The following ZMYND8 variants were observed in gnomAD, a reference collection of about 807,000 sequenced individuals.
ZMYND8 encodes the protein zinc finger MYND-type containing 8.
A neutral mutation model predicts 140.8 loss-of-function variants in ZMYND8; 37 were observed. The ratio of observed to expected loss-of-function variants is 0.26; its 90% CI spans 0.20 to 0.35. ZMYND8 has a LOEUF of 0.35. ZMYND8 is among the 10% of genes least tolerant of loss of function. ZMYND8 has a pLI of 1.00. For missense variants in ZMYND8, 1,068 were observed against 1,570.0 expected (o/e 0.68, Z 5.40); for synonymous variants, 592 against 597.1 (o/e 0.99, Z 0.12).
At chr20:47,234,102 G>A (rs2038903823) in intron 16 of ZMYND8, among the ~76,000 whole-genome samples, 1 of 152,216 alleles carries the variant, frequency 6.6e-6, no homozygotes, top group Admixed American at 6.5e-5. Context: ...AGGCTGGAGT[G>A]CAGTGGCAAG....
intron 21 of ZMYND8, among the ~76,000 whole-genome samples, chr20:47,215,098 C>T (rs1477594850): frequency 6.6e-6 from 1 of 152,128 alleles, no homozygotes; most frequent in African/African-American, 2.4e-5. Flanking sequence ...GTCGGCCAGG[C>T]ATGGTGGCTC....
intron 12 of ZMYND8, 21 bp downstream of exon 12, chr20:47,262,267 C>T (rs766001290): frequency 6.2e-7 from 1 of 1,614,056 alleles, no homozygotes; most frequent in East Asian, 2.2e-5. Flanking sequence ...CAGAAAGATA[C>T]TGGCAAAAAT....
rs190340797 is a variant in ZMYND8, at chr20:47,337,224, C to T, written c.85+10632G>A. On this transcript the variant is annotated intron_variant, in intron 2 of 22. Coordinates refer to ENST00000471951, the MANE Select transcript of ZMYND8 (RefSeq NM_001281775.3). ...AAAATTAGCCGGGCGTGGTGGCAGG[C>T]GCCTGTAACCCCAGCTACACCGGAG... Among the ~76,000 whole-genome samples the T allele has an allele frequency of 1.4e-4, 21 of 151,990 alleles. No homozygotes were observed. In the East Asian group the frequency reaches 1.7e-3, roughly 13 times the overall value.
Position 47,255,738 on chromosome 20 carries a change from ATATATATATATATATATATATATATACGG to A in ZMYND8, c.1622-6328_1622-6300del, listed in dbSNP as rs1312988790. Among the ~76,000 whole-genome samples the A allele has an allele frequency of 5.8e-3, 183 of 31,664 alleles. 2 individuals carry two copies. The highest frequency in any genetic ancestry group is 0.028 in the African/African-American group (171 of 6,156). 20.8% of individuals were successfully genotyped at this position (31,664 alleles called of 152,430 possible). ...TGTATGTGTGTATATATATATATAT[ATATATATATATATATATATATATATACGG>A]TATATATATATATTTGTATGTGTAT... On this transcript the variant is annotated intron_variant, in intron 12 of 22. Transcript: ENST00000471951.
Position 47,344,916 on chromosome 20 carries a change from C to G in ZMYND8, c.85+2940G>C, listed in dbSNP as rs985377749. Among the ~76,000 whole-genome samples, 15 of 152,058 alleles carry G rather than the reference C, an allele frequency of 9.9e-5. 1 individual carries two copies. Among genetic ancestry groups the G allele is most frequent in the Admixed American group, 9.2e-4 (14 of 15,254 alleles). ...TCACTTGAGGCCAAGGGTTTCAGACCAGCCTGGGCAACCCACTGCGACCTC... is the reference window on the plus strand; with the variant it reads ...TCACTTGAGGCCAAGGGTTTCAGACGAGCCTGGGCAACCCACTGCGACCTC... On this transcript the variant is annotated intron_variant, in intron 2 of 22. Transcript: ENST00000471951.
intron 12 of ZMYND8, among the ~76,000 whole-genome samples, chr20:47,250,474 C>T (rs1325288402): frequency 6.6e-6 from 1 of 152,208 alleles, no homozygotes; most frequent in African/African-American, 2.4e-5. Flanking sequence ...GGAATCCAAT[C>T]AACCCACAAA....
intron 3 of ZMYND8, among the ~76,000 whole-genome samples, chr20:47,304,139 A>C (rs554656808): frequency 2.6e-5 from 4 of 152,328 alleles, no homozygotes; most frequent in South Asian, 4.1e-4. Flanking sequence ...ATAACTAGGG[A>C]AACAGGTTGC....
chr20:47,352,718 G>A (rs940346435), intron 1 of ZMYND8: 6 of 212,300 alleles, frequency 2.8e-5, no homozygotes, highest in East Asian at 1.8e-4. Flanking sequence ...GGGCAAGGAC[G>A]GGCCACTGGC....
At chr20:47,317,575 G>A (rs1278029644) in intron 2 of ZMYND8, among the ~76,000 whole-genome samples, 1 of 152,232 alleles carries the variant, frequency 6.6e-6, no homozygotes, top group South Asian at 2.1e-4. Flanking sequence ...TAATGATGTC[G>A]ACAGCAAGCC....
chr20:47,220,891 C>T (rs2146924040), intron 20 of ZMYND8, among the ~76,000 whole-genome samples: 1 of 152,168 alleles, frequency 6.6e-6, no homozygotes, highest in African/African-American at 2.4e-5. Context: ...CCTTCGTGGC[C>T]CAATAGGGCA....
intron 2 of ZMYND8, among the ~76,000 whole-genome samples, chr20:47,327,603 CAG>C (rs1488712264): frequency 6.6e-6 from 1 of 151,668 alleles, no homozygotes; most frequent in East Asian, 2.0e-4. Flanking sequence ...TTGCACTGAG[CAG>C]AGTTTGTGCC....
Position 47,302,438 on chromosome 20 carries a change from A to G in ZMYND8, c.235-3491T>C, listed in dbSNP as rs2078127937. ...CACCACTGCACTCCAGCCTGAGCGA[A>G]AGAGCGAGACATCATCTCAAAAAAA... On this transcript the variant is annotated intron_variant, in intron 3 of 22. Coordinates refer to ENST00000471951, the MANE Select transcript of ZMYND8 (RefSeq NM_001281775.3). Among the ~76,000 whole-genome samples, 3 of 152,176 alleles carry G rather than the reference A, an allele frequency of 2.0e-5. No homozygotes were observed. The South Asian group carries it at 6.2e-4, about 32-fold the overall frequency.
At chr20:47,339,355 G>A (rs1224156153) in intron 2 of ZMYND8, among the ~76,000 whole-genome samples, 1 of 152,168 alleles carries the variant, frequency 6.6e-6, no homozygotes, top group Non-Finnish European at 1.5e-5. Flanking sequence ...CTTCCTAGAG[G>A]CTGCAAGTGG....
intron 2 of ZMYND8, among the ~76,000 whole-genome samples, chr20:47,321,166 T>C (rs560740431): frequency 6.6e-6 from 1 of 152,278 alleles, no homozygotes; most frequent in South Asian, 2.1e-4. Flanking sequence ...TGACAATATT[T>C]ATGGAACACT....
chr20:47,304,753 A>C (rs1601756680), intron 3 of ZMYND8, among the ~76,000 whole-genome samples: 1 of 152,188 alleles, frequency 6.6e-6, no homozygotes, highest in South Asian at 2.1e-4. Flanking sequence ...CTGGCATTCA[A>C]CCTCGCAGTG....
intron 11 of ZMYND8, among the ~76,000 whole-genome samples, chr20:47,264,663 CTGGG>C (rs2075379285): frequency 7.1e-6 from 1 of 141,002 alleles, no homozygotes; most frequent in Admixed American, 6.9e-5. Context: ...CATTCCTTCA[CTGGG>C]GGGGGCTGCT....
chr20:47,312,693 G>A (rs545539154), intron 2 of ZMYND8, among the ~76,000 whole-genome samples: 2 of 151,956 alleles, frequency 1.3e-5, no homozygotes, highest in Non-Finnish European at 2.9e-5. Context: ...GGGAGGCTGG[G>A]GCAGGATAAT....
At chr20:47,337,072 C>T (rs1011384551) in intron 2 of ZMYND8, among the ~76,000 whole-genome samples, 1 of 151,614 alleles carries the variant, frequency 6.6e-6, no homozygotes, top group African/African-American at 2.4e-5. Context: ...AAAGGGCCAG[C>T]CAGGCACGGT....
In ZMYND8 at chr20:47,272,458, G is replaced by A. The variant is rs149200017; in HGVS notation, c.1480+3856C>T. On this transcript the variant is annotated intron_variant, in intron 11 of 22. Coordinates refer to ENST00000471951, the MANE Select transcript of ZMYND8 (RefSeq NM_001281775.3). ...TAGCCCAGAGGGTGGTGAATGTCAG[G>A]CCCCCCGACTCTGACCCTAATACAT... Among the ~76,000 whole-genome samples, 9 of 152,206 alleles carry A rather than the reference G, an allele frequency of 5.9e-5. No homozygotes were observed. The East Asian group carries it at 1.7e-3, about 29-fold the overall frequency.
Sources: allele counts gnomAD v4.1 joint callset (sites outside exome capture counted in the v4.1 genomes callset), GRCh38; gene constraint gnomAD v4.1.1; transcripts MANE v1.5; gene names NCBI Gene and HGNC (gene_info 2026-07-23, HGNC 2026-07-21).